ZBTB7A: variants seen among roughly 807,000 people sequenced by gnomAD.
The protein encoded by ZBTB7A is zinc finger and BTB domain containing 7A, also known as zinc finger and BTB domain-containing protein 7A.
In ZBTB7A, 7 loss-of-function variants were observed where a neutral mutation model predicts 26.7. The observed-to-expected ratio is 0.26, with a 90% CI of 0.15 to 0.49. ZBTB7A has a LOEUF of 0.49. Among genes scored for constraint, ZBTB7A ranks in the 20% least tolerant of loss-of-function variants. The pLI, the probability that ZBTB7A is intolerant of heterozygous loss-of-function variation, is 0.98. For missense variants in ZBTB7A, 617 were observed against 919.5 expected (o/e 0.67, Z 4.25); for synonymous variants, 452 against 441.0 (o/e 1.02, Z -0.31).
chr19:4,062,090 A>C (rs2040643414), intron 1 of ZBTB7A: 1 of 152,266 alleles, frequency 6.6e-6, no homozygotes, highest in African/African-American at 2.4e-5. Context: ...TCGCCTGAGC[A>C]GGTGGAAGGC....
chr19:4,046,209 T>C lies in ZBTB7A; in HGVS notation c.*1543A>G. 1 of 397,056 alleles carries C rather than the reference T, an allele frequency of 2.5e-6. No homozygotes were observed. Among genetic ancestry groups the C allele is most frequent in the Non-Finnish European group, 4.4e-6 (1 of 225,392 alleles). The allele number at this position is 397,056 out of a possible 1,614,324, so 24.6% of individuals were successfully genotyped here. ...ACACAGCACGAACACCCCACAGTCCTGCCTTCGAGGCTGACGTCTGGGGGT... is the reference window on the plus strand; with the variant it reads ...ACACAGCACGAACACCCCACAGTCCCGCCTTCGAGGCTGACGTCTGGGGGT... On this transcript the variant is annotated 3_prime_UTR_variant, in exon 3 of 3. Transcript: ENST00000322357.
intron 1 of ZBTB7A, among the ~76,000 whole-genome samples, chr19:4,056,941 C>T (rs532089148): frequency 2.0e-5 from 3 of 148,816 alleles, no homozygotes; most frequent in East Asian, 2.0e-4. Context: ...GCAGAAGAAT[C>T]GCTTGAACCC....
At chr19:4,061,355 C>T (rs1293897262) in intron 1 of ZBTB7A, among the ~76,000 whole-genome samples, 9 of 152,230 alleles carry the variant, frequency 5.9e-5, no homozygotes, top group Non-Finnish European at 1.2e-4. Flanking sequence ...CTGCCAGGCC[C>T]GCACCCGGCA....
intron 1 of ZBTB7A, among the ~76,000 whole-genome samples, chr19:4,056,217 C>T (rs1174496495): frequency 5.9e-5 from 9 of 152,134 alleles, no homozygotes; most frequent in African/African-American, 2.2e-4. Context: ...AGCTGTCCTG[C>T]CCCCAGCCTC....
At chr19:4,053,770 GTGTA>G (rs767094737) in intron 2 of ZBTB7A, among the ~76,000 whole-genome samples, 197 bp downstream of exon 2, 16 of 151,668 alleles carry the variant, frequency 1.1e-4, no homozygotes, top group East Asian at 5.8e-4. Context: ...GTGCAAGTGC[GTGTA>G]TGTGTGTCTG....
chr19:4,057,583 A>G (rs1016314281), intron 1 of ZBTB7A, among the ~76,000 whole-genome samples: 1 of 151,762 alleles, frequency 6.6e-6, no homozygotes, highest in South Asian at 2.1e-4. Context: ...AGGTCAAGAG[A>G]TTGAGACCAT....
Position 4,045,168 on chromosome 19 carries a change from G to A in ZBTB7A, c.*2584C>T, listed in dbSNP as rs576658078. Reference sequence around the variant, plus strand: ...CCCTTGTTCCTACGGAAGTCCCAGAGGGCTCCACCCCCCAAGTCCGGTCGC... The same window carrying A: ...CCCTTGTTCCTACGGAAGTCCCAGAAGGCTCCACCCCCCAAGTCCGGTCGC... On this transcript the variant is annotated 3_prime_UTR_variant, in exon 3 of 3. Coordinates refer to ENST00000322357, the MANE Select transcript of ZBTB7A (RefSeq NM_015898.4). This position sits in a 1 kb window ranked among gnomAD's most constrained non-coding sequence, Gnocchi z 4.1. The A allele has an allele frequency of 2.6e-5, 4 of 152,440 alleles. No homozygotes were observed. In the South Asian group the frequency reaches 6.2e-4, roughly 24 times the overall value. The allele number at this position is 152,440 out of a possible 1,614,324, so 9.4% of individuals were successfully genotyped here.
intron 1 of ZBTB7A, among the ~76,000 whole-genome samples, chr19:4,057,450 G>A (rs1009573376): frequency 1.5e-4 from 23 of 152,290 alleles, no homozygotes; most frequent in East Asian, 5.8e-4. Flanking sequence ...ATCTGAGCAC[G>A]GGCTTCGGCC....
chr19:4,056,683 C>T (rs773390835), intron 1 of ZBTB7A, among the ~76,000 whole-genome samples: 1 of 152,108 alleles, frequency 6.6e-6, no homozygotes. Flanking sequence ...TCCTGGCTGA[C>T]ACAGTGAAAC....
At chr19:4,059,168 G>A (rs1277601757) in intron 1 of ZBTB7A, among the ~76,000 whole-genome samples, 1 of 152,316 alleles carries the variant, frequency 6.6e-6, no homozygotes, top group East Asian at 1.9e-4. Context: ...CCCAGCATGG[G>A]GGGAGACCTC....
intron 1 of ZBTB7A, chr19:4,061,841 A>T (rs1034568683): frequency 6.6e-6 from 1 of 152,260 alleles, no homozygotes; most frequent in African/African-American, 2.4e-5. Context: ...GGAAGCCCAG[A>T]CTACAGCCCG....
intron 1 of ZBTB7A, among the ~76,000 whole-genome samples, chr19:4,065,158 G>T (rs1389783127): frequency 6.6e-6 from 1 of 151,814 alleles, no homozygotes; most frequent in Non-Finnish European, 1.5e-5. Context: ...GGCGTCAAGG[G>T]AAAGGAGGGG....
At position 4,045,635 on chromosome 19, in the gene ZBTB7A, G is replaced by A. The variant is rs939620723; in HGVS notation, c.*2117C>T. 6 of 354,562 alleles carry A rather than the reference G, an allele frequency of 1.7e-5. No homozygotes were observed. The highest frequency in any genetic ancestry group is 1.4e-4 in the Admixed American group (3 of 21,250). The allele number at this position is 354,562 out of a possible 1,614,324, so 22.0% of individuals were successfully genotyped here. ...GGGGGTATGGGGGGGTCGGGGGCAG[G>A]GAGACACCCCCCCGCCGGTTGGGCA... is the stretch of plus-strand genomic sequence containing the variant. On this transcript the variant is annotated 3_prime_UTR_variant, in exon 3 of 3. Coordinates refer to ENST00000322357, the MANE Select transcript of ZBTB7A (RefSeq NM_015898.4). The surrounding 1 kb of genome is among the most constrained non-coding windows in gnomAD (Gnocchi z 4.1).
rs1455615844 is a variant in ZBTB7A, at chr19:4,054,376, G to A, written c.857C>T (p.Ala286Val). ...GEEEAASLSE[A>V]APEPGDSPGF... is the part of the protein sequence containing the mutation. ...CGGAGAGTCGCCCGGCTCGGGGGCCGCCTCCGACAGCGAGGCGGCCTCCTC... is the reference window on the plus strand; with the variant it reads ...CGGAGAGTCGCCCGGCTCGGGGGCCACCTCCGACAGCGAGGCGGCCTCCTC... The change falls in exon 2 of 3, where the codon GCG becomes GTG. Residue 286 changes from alanine to valine, a missense_variant. By Grantham distance (64) the Ala-to-Val change is moderately conservative (BLOSUM62 0). Coordinates refer to ENST00000322357, the MANE Select transcript of ZBTB7A (RefSeq NM_015898.4). 4 of 1,430,808 alleles carry A rather than the reference G, an allele frequency of 2.8e-6. No individual in the cohort carries two copies. Among genetic ancestry groups the A allele is most frequent in the African/African-American group, 1.5e-5 (1 of 65,308 alleles). The allele number at this position is 1,430,808 out of a possible 1,614,324, so 88.6% of individuals were successfully genotyped here.
In ZBTB7A at chr19:4,044,186, TG is replaced by T. The variant is rs963530165; in HGVS notation, c.*3565del. On this transcript the variant is annotated 3_prime_UTR_variant, in exon 3 of 3. Transcript: ENST00000322357. ...TCCAGGGGAAGACCCTGGAAGAGGC[TG>T]GGGGACCCCCCTCGGAAGGAAGCAA... Among the ~76,000 whole-genome samples the T allele has an allele frequency of 1.3e-5, 2 of 151,708 alleles. No homozygotes were observed. The highest frequency in any genetic ancestry group is 4.8e-5 in the African/African-American group (2 of 41,294).
At chr19:4,049,160 G>GTA (rs1479974251) in intron 2 of ZBTB7A, among the ~76,000 whole-genome samples, 11 of 15,850 alleles carry the variant, frequency 6.9e-4, no homozygotes, top group African/African-American at 1.6e-3. Flanking sequence ...GTGTGTGTGT[G>GTA]TGTGTGTGTA....
rs761136524 is a variant in ZBTB7A, at chr19:4,054,903, G to A, written c.330C>T (p.Ala110=). ...STANVGDILS[A]ARLLEIPAVS... is the part of the protein sequence containing the mutation. ...CGGCGGGGATCTCCAGCAGGCGGGC[G>A]GCGCTGAGGATGTCACCCACGTTGG... is the stretch of plus-strand genomic sequence containing the variant. The change falls in exon 2 of 3, where the codon GCC becomes GCT. Residue 110 remains alanine (A), a synonymous_variant. Transcript: ENST00000322357. 5.0e-6 allele frequency: 8 copies of A among 1,607,982 alleles called. No individual in the cohort carries two copies. The highest frequency in any genetic ancestry group is 4.0e-5 in the African/African-American group (3 of 74,804).
At chr19:4,061,462 C>A (rs1022466877) in intron 1 of ZBTB7A, among the ~76,000 whole-genome samples, 2 of 152,158 alleles carry the variant, frequency 1.3e-5, no homozygotes, top group African/African-American at 2.4e-5. Context: ...CTGGCCCAGT[C>A]CTCGGCCTGG....
chr19:4,059,280 T>A (rs1262884627), intron 1 of ZBTB7A, among the ~76,000 whole-genome samples: 2 of 151,984 alleles, frequency 1.3e-5, no homozygotes, highest in African/African-American at 4.8e-5. Flanking sequence ...CTGGGAGGTG[T>A]CTTTCCTGGG....
Sources: allele counts gnomAD v4.1 joint callset (sites outside exome capture counted in the v4.1 genomes callset), GRCh38; gene constraint gnomAD v4.1.1; non-coding constraint Gnocchi (gnomAD v3.1); transcripts MANE v1.5; gene names NCBI Gene and HGNC (gene_info 2026-07-23, HGNC 2026-07-21).